Variants in SFT2D1 observed in about 807,000 individuals in gnomAD.
SFT2D1 encodes the protein vesicle transport protein SFT2A.
Under a neutral mutation model 28.1 loss-of-function variants are expected in SFT2D1, and 24 were observed. The ratio of observed to expected loss-of-function variants is 0.85; its 90% CI spans 0.62 to 1.20. The LOEUF (loss-of-function observed/expected upper bound fraction) is 1.20. Among genes scored for constraint, SFT2D1 ranks in the 50% most tolerant of loss-of-function variants. SFT2D1 has a pLI of 0.00. For synonymous variants in SFT2D1, 82 were observed against 73.7 expected (o/e 1.11, Z -0.58); for missense variants, 181 against 190.9 (o/e 0.95, Z 0.31).
intron 1 of SFT2D1, chr6:166,335,467 T>C: frequency 3.8e-6 from 2 of 531,962 alleles, no homozygotes; most frequent in South Asian, 2.8e-5. Flanking sequence ...AACAATACTT[T>C]GCCAAATTTT....
intron 1 of SFT2D1, among the ~76,000 whole-genome samples, chr6:166,334,037 A>G (rs567583071): frequency 1.3e-5 from 2 of 152,348 alleles, no homozygotes; most frequent in South Asian, 4.1e-4. Context: ...AATTGATGCT[A>G]TTGGGCTTTT....
At chr6:166,332,413 C>A (rs1015663667) in intron 1 of SFT2D1, among the ~76,000 whole-genome samples, 3 of 152,176 alleles carry the variant, frequency 2.0e-5, no homozygotes, top group African/African-American at 7.2e-5. Flanking sequence ...CGCCACCAGG[C>A]CTGACTAATT....
intron 1 of SFT2D1, among the ~76,000 whole-genome samples, chr6:166,341,753 C>T (rs1162158287): frequency 2.0e-5 from 3 of 151,884 alleles, no homozygotes; most frequent in East Asian, 1.9e-4. Flanking sequence ...TCCACTGCTA[C>T]TTTTAACCTT....
chr6:166,335,326 T>C (rs1778626825), intron 1 of SFT2D1: 1 of 578,228 alleles, frequency 1.7e-6, no homozygotes, highest in Non-Finnish European at 3.3e-6. Context: ...GATTTGGTAA[T>C]GATGGAATCA....
chr6:166,335,440 C>T, intron 1 of SFT2D1: 1 of 556,252 alleles, frequency 1.8e-6, no homozygotes, highest in South Asian at 1.4e-5. Context: ...GAAGCTCTGG[C>T]CCTTATGGTG....
At chr6:166,322,711 A>C in intron 7 of SFT2D1, 146 bp downstream of exon 7, 1 of 644,118 alleles carries the variant, frequency 1.6e-6, no homozygotes, top group Non-Finnish European at 2.6e-6. Context: ...AAAAAAAAAA[A>C]GTATGTTTAT....
At chr6:166,335,531 C>T in intron 1 of SFT2D1, 2 of 454,676 alleles carry the variant, frequency 4.4e-6, no homozygotes, top group South Asian at 3.5e-5. Flanking sequence ...CAACAGTAGC[C>T]ATGGCACTGG....
rs1296908713 is a variant in SFT2D1, at chr6:166,332,425, T to C, written c.64-2178A>G. 2.0e-5 allele frequency among the ~76,000 whole-genome samples: 3 copies of C among 152,280 alleles called. No individual in the cohort carries two copies. The East Asian group carries it at 5.8e-4, about 29-fold the overall frequency. On this transcript the variant is annotated intron_variant, in intron 1 of 7. Transcript: ENST00000361731. ...CCACGCCACCAGGCCTGACTAATTT[T>C]TTGTATTTTTAGTAGAAACGGGGTT...
At chr6:166,337,259 C>T (rs1229814036) in intron 1 of SFT2D1, among the ~76,000 whole-genome samples, 1 of 152,212 alleles carries the variant, frequency 6.6e-6, no homozygotes, top group African/African-American at 2.4e-5. Flanking sequence ...CCAGCTGGCA[C>T]ACGCCTGGCA....
chr6:166,332,616 C>G (rs1048998475), intron 1 of SFT2D1, among the ~76,000 whole-genome samples: 4 of 152,130 alleles, frequency 2.6e-5, no homozygotes, highest in African/African-American at 9.7e-5. Context: ...AGGAGCAATC[C>G]CACCAAAACC....
rs566930837 is a variant in SFT2D1, at chr6:166,325,738, CAT to C, written c.351+392_351+393del. The C allele has an allele frequency of 1.9e-4, 35 of 184,276 alleles. No individual in the cohort carries two copies. In the East Asian group the frequency reaches 2.0e-3, roughly 10 times the overall value. 11.4% of individuals were successfully genotyped at this position (184,276 alleles called of 1,614,324 possible). ...CCACAAGCAGGTGAGCTCGGGCACA[CAT>C]GTGTGTTTATTAATGACCTCTACGC... On this transcript the variant is annotated intron_variant, in intron 5 of 7. Transcript: ENST00000361731.
intron 1 of SFT2D1, among the ~76,000 whole-genome samples, chr6:166,337,733 T>C (rs1778684957): frequency 6.6e-6 from 1 of 152,224 alleles, no homozygotes; most frequent in African/African-American, 2.4e-5. Context: ...CGGTGATCTT[T>C]GAAGTGAAAC....
chr6:166,342,232 C>A (rs1275056100), intron 1 of SFT2D1, among the ~76,000 whole-genome samples, 187 bp downstream of exon 1: 3 of 152,042 alleles, frequency 2.0e-5, no homozygotes, highest in Admixed American at 6.5e-5. Flanking sequence ...TTTAAGTAGA[C>A]CGCATGGAAA....
At chr6:166,323,331 A>G (rs1490750834) in intron 6 of SFT2D1, 1 of 154,074 alleles carries the variant, frequency 6.5e-6, no homozygotes, top group Non-Finnish European at 1.4e-5. Flanking sequence ...AGTAAAGAAC[A>G]TTTTATGGTG....
intron 1 of SFT2D1, chr6:166,334,650 C>A (rs575426244): frequency 9.3e-6 from 2 of 215,636 alleles, no homozygotes; most frequent in South Asian, 1.6e-4. Flanking sequence ...CACTGGAGGG[C>A]TGAGCTTTGA....
At position 166,329,562 on chromosome 6, in the gene SFT2D1, C is replaced by T. The variant is rs749061696; in HGVS notation, c.178G>A (p.Gly60Ser). 7 of 1,607,332 alleles carry T rather than the reference C, an allele frequency of 4.4e-6. No homozygotes were observed. Among genetic ancestry groups the T allele is most frequent in the South Asian group, 2.2e-5 (2 of 89,938 alleles). The change falls in exon 3 of 8, where the codon GGC (glycine) becomes AGC (serine). Residue 60 changes from glycine (G) to serine (S), a missense_variant. Gly to Ser is a moderately conservative substitution (Grantham distance 56, BLOSUM62 0). Transcript: ENST00000361731. ...LGTGLLWLPG[G>S]IKLFAVFYTL... ...TAAAACACTGCAAAAAGCTTTATGCCGCCCGGAAGCCACAGCAATCCAGTT... is the reference window on the plus strand; with the variant it reads ...TAAAACACTGCAAAAAGCTTTATGCTGCCCGGAAGCCACAGCAATCCAGTT...
Position 166,324,532 on chromosome 6 carries a change from C to A in SFT2D1, c.410+5G>T. On this transcript the variant is annotated splice_donor_5th_base_variant and intron_variant, in intron 6 of 7. Coordinates refer to ENST00000361731, the MANE Select transcript of SFT2D1 (RefSeq NM_145169.3). ...AACACTTCACTAGGGTAAGGAAAGA[C>A]TTACCAGGTCATTGACAAGAACTGC... 6.2e-7 allele frequency: 1 copy of A among 1,611,290 alleles called. No homozygotes were observed. Among genetic ancestry groups the A allele is most frequent in the Non-Finnish European group, 8.5e-7 (1 of 1,179,424 alleles).
chr6:166,332,543 G>C (rs534967412), intron 1 of SFT2D1, among the ~76,000 whole-genome samples: 1 of 152,086 alleles, frequency 6.6e-6, no homozygotes. Context: ...CATGAGCCAC[G>C]AGCCACTGCA....
At chr6:166,325,052 A>G (rs556180015) in intron 5 of SFT2D1, among the ~76,000 whole-genome samples, 24 of 152,320 alleles carry the variant, frequency 1.6e-4, no homozygotes, top group African/African-American at 5.5e-4. Context: ...GGAATAATAT[A>G]AACAGTTTCC....
Sources: allele counts gnomAD v4.1 joint callset (sites outside exome capture counted in the v4.1 genomes callset), GRCh38; gene constraint gnomAD v4.1.1; transcripts MANE v1.5; gene names NCBI Gene and HGNC (gene_info 2026-07-23, HGNC 2026-07-21).